Variants in DLGAP2 observed in about 807,000 individuals in gnomAD.
DLGAP2 encodes the protein disks large-associated protein 2.
In DLGAP2, 26 loss-of-function variants were observed where a neutral mutation model predicts 100.3. That is an observed-to-expected ratio of 0.26 (90% CI 0.19 to 0.36). The LOEUF (loss-of-function observed/expected upper bound fraction) is 0.36, where lower values mean the gene tolerates loss of function less well. Ranked by LOEUF, DLGAP2 falls within the 10% of genes least tolerant of loss-of-function variation. The pLI is 1.00. For synonymous variants in DLGAP2, 886 were observed against 630.1 expected, an observed-to-expected ratio of 1.41 and a Z score of -6.08; for missense variants, 1,858 against 1,453.2, an observed-to-expected ratio of 1.28 and a Z score of -4.53.
intron 2 of DLGAP2, among the ~76,000 whole-genome samples, chr8:960,252 T>TTTTTTTTTTTTTTTTTTTTTTTTA: frequency 7.0e-6 from 1 of 142,018 alleles, no homozygotes; most frequent in African/African-American, 2.8e-5. Context: ...TTTTTTTTTT[T>TTTTTTTTTTTTTTTTTTTTTTTTA]CCCGAGACAC....
At chr8:821,878 A>T (rs891280113) in intron 1 of DLGAP2, among the ~76,000 whole-genome samples, 7 of 152,264 alleles carry the variant, frequency 4.6e-5, no homozygotes, top group African/African-American at 1.4e-4. Flanking sequence ...ATCCACGCAC[A>T]CAGCGTGCCA....
intron 2 of DLGAP2, among the ~76,000 whole-genome samples, chr8:1,054,091 C>G (rs758864595): frequency 5.3e-5 from 8 of 152,058 alleles, no homozygotes; most frequent in Non-Finnish European, 8.8e-5. Flanking sequence ...AAATGGGAGC[C>G]TCTGAGCCTG....
chr8:1,164,675 G>T (rs1239114231), intron 2 of DLGAP2, among the ~76,000 whole-genome samples: 3 of 152,188 alleles, frequency 2.0e-5, no homozygotes, highest in Non-Finnish European at 4.4e-5. Context: ...AAATTGAGCT[G>T]CATTCTCTGG....
At chr8:1,028,753 T>C (rs1801890765) in intron 2 of DLGAP2, among the ~76,000 whole-genome samples, 1 of 152,204 alleles carries the variant, frequency 6.6e-6, no homozygotes, top group African/African-American at 2.4e-5. Flanking sequence ...ATTTGGAGTT[T>C]TAAAGGCAGT....
chr8:1,536,073 C>G lies in DLGAP2; in HGVS notation c.173-12553C>G, dbSNP rs545050814. Among the ~76,000 whole-genome samples, 9 of 152,238 alleles carry G rather than the reference C, an allele frequency of 5.9e-5. No homozygotes were observed. In the South Asian group the frequency reaches 1.9e-3, roughly 32 times the overall value. On this transcript the variant is annotated intron_variant, in intron 4 of 14. Transcript: ENST00000637795. The stretch of plus-strand genomic sequence containing the variant: ...AGTTTCTCCATTAAAGGAATTAAAC[C>G]GTTTGTGACAGTCAACTCGGTGTAG...
At chr8:1,077,730 G>A (rs1803667233) in intron 2 of DLGAP2, among the ~76,000 whole-genome samples, 1 of 152,190 alleles carries the variant, frequency 6.6e-6, no homozygotes, top group East Asian at 1.9e-4. Flanking sequence ...CATTGTTTCT[G>A]TAGAGAGATT....
At chr8:1,355,409 G>C (rs375310625) in intron 3 of DLGAP2, among the ~76,000 whole-genome samples, 3 of 151,956 alleles carry the variant, frequency 2.0e-5, no homozygotes, top group African/African-American at 4.8e-5. Context: ...CTGTCACCCA[G>C]GTTGGAGTGC....
chr8:862,556 G>A (rs945549102), intron 1 of DLGAP2, among the ~76,000 whole-genome samples: 1 of 152,092 alleles, frequency 6.6e-6, no homozygotes, highest in Admixed American at 6.6e-5. Context: ...GCCTCCCAAA[G>A]TGCTGGGATT....
chr8:1,207,481 G>C (rs1238084646), intron 2 of DLGAP2, among the ~76,000 whole-genome samples: 1 of 152,128 alleles, frequency 6.6e-6, no homozygotes, highest in Non-Finnish European at 1.5e-5. Flanking sequence ...CTCATTAGTT[G>C]ATAGGCATTT....
At position 911,230 on chromosome 8, in the gene DLGAP2, C is replaced by T. The variant is rs114559566; in HGVS notation, c.73+3264C>T. Reference sequence around the variant, plus strand: ...TGGTGAAGAGATGACATGGCCTAAGCGGTGCGTTTTCCATTATGGATTCTG... The same window carrying T: ...TGGTGAAGAGATGACATGGCCTAAGTGGTGCGTTTTCCATTATGGATTCTG... On this transcript the variant is annotated intron_variant, in intron 2 of 14. Coordinates refer to ENST00000637795, the MANE Select transcript of DLGAP2 (RefSeq NM_001346810.2). 5.8e-3 allele frequency among the ~76,000 whole-genome samples: 879 copies of T among 152,152 alleles called. 6 individuals carry two copies. The highest frequency in any genetic ancestry group is 0.02 in the African/African-American group (835 of 41,490).
intron 2 of DLGAP2, among the ~76,000 whole-genome samples, chr8:1,230,633 T>C (rs1798516420): frequency 1.3e-5 from 2 of 151,950 alleles, no homozygotes; most frequent in South Asian, 2.1e-4. Context: ...AGTAACCAAA[T>C]AGCATGGCAC....
chr8:1,640,963 C>G (rs1027481601), intron 8 of DLGAP2, among the ~76,000 whole-genome samples: 1 of 152,138 alleles, frequency 6.6e-6, no homozygotes, highest in Non-Finnish European at 1.5e-5. Context: ...GCCCTGGGGA[C>G]CGGTAGGGAG....
intron 1 of DLGAP2, among the ~76,000 whole-genome samples, chr8:855,350 C>G (rs911087307): frequency 2.0e-5 from 3 of 152,126 alleles, no homozygotes; most frequent in Non-Finnish European, 2.9e-5. Flanking sequence ...CAGGAGCGTT[C>G]TCTGTGCTCC....
chr8:823,140 G>A (rs796459023), intron 1 of DLGAP2, among the ~76,000 whole-genome samples: 2 of 151,952 alleles, frequency 1.3e-5, no homozygotes, highest in Non-Finnish European at 2.9e-5. Context: ...AGCTTCACAC[G>A]TTCTGGCTCA....
At chr8:809,323 T>C (rs941673028) in intron 1 of DLGAP2, among the ~76,000 whole-genome samples, 7 of 152,232 alleles carry the variant, frequency 4.6e-5, no homozygotes, top group Admixed American at 3.9e-4. Context: ...CATTTAGGGT[T>C]CTTTCTCACT....
intron 3 of DLGAP2, among the ~76,000 whole-genome samples, chr8:1,439,183 G>T (rs183054135): frequency 3.0e-4 from 45 of 152,266 alleles, no homozygotes; most frequent in African/African-American, 1.0e-3. Flanking sequence ...TGAATGAAAA[G>T]CATAGTCCGC....
At chr8:1,029,416 G>A (rs758134248) in intron 2 of DLGAP2, among the ~76,000 whole-genome samples, 2 of 152,218 alleles carry the variant, frequency 1.3e-5, no homozygotes, top group Non-Finnish European at 2.9e-5. Flanking sequence ...TGGAGCGAGA[G>A]GCATCAGGGA....
chr8:1,536,414 TA>T (rs1182593921), intron 4 of DLGAP2, among the ~76,000 whole-genome samples: 1 of 152,182 alleles, frequency 6.6e-6, no homozygotes, highest in Non-Finnish European at 1.5e-5. Context: ...AAGGATTATC[TA>T]ACATCCATGG....
At chr8:1,228,673 A>ATGTTAATATTTATTAT (rs1798472995) in intron 2 of DLGAP2, among the ~76,000 whole-genome samples, 1 of 152,256 alleles carries the variant, frequency 6.6e-6, no homozygotes, top group East Asian at 1.9e-4. Context: ...TATTAATAGA[A>ATGTTAATATTTATTAT]TAAAAAGGGG....
Sources: gnomAD v4.1 joint callset for allele counts (sites outside exome capture counted in the v4.1 genomes callset) on GRCh38, gnomAD v4.1.1 for gene constraint, MANE v1.5 for transcripts, NCBI Gene and HGNC (gene_info 2026-07-23, HGNC 2026-07-21) for gene names.